Variants in CELF4 observed in about 807,000 individuals in gnomAD.
CELF4 encodes the protein CUGBP Elav-like family member 4.
A neutral mutation model predicts 59.9 loss-of-function variants in CELF4; 18 were observed. That is an observed-to-expected ratio of 0.30 (90% CI 0.21 to 0.45). CELF4 has a LOEUF of 0.45. Among genes scored for constraint, CELF4 ranks in the 20% least tolerant of loss-of-function variants. CELF4 has a pLI of 1.00. For missense variants in CELF4, 456 were observed against 689.0 expected, an observed-to-expected ratio of 0.66 and a Z score of 3.79; for synonymous variants, 261 against 267.1, an observed-to-expected ratio of 0.98 and a Z score of 0.22.
At chr18:37,351,372 C>T (rs1317723711) in intron 2 of CELF4, among the ~76,000 whole-genome samples, 3 of 152,066 alleles carry the variant, frequency 2.0e-5, no homozygotes, top group Admixed American at 1.3e-4. Context: ...AACGATGCCT[C>T]TCCCCTCTCC....
chr18:37,531,785 GGGGAC>G (rs1329880071), intron 1 of CELF4, among the ~76,000 whole-genome samples: 1 of 152,140 alleles, frequency 6.6e-6, no homozygotes, highest in Non-Finnish European at 1.5e-5. Flanking sequence ...CTGAGCATGA[GGGGAC>G]CAGACCTCTA....
intron 2 of CELF4, among the ~76,000 whole-genome samples, chr18:37,348,802 C>T (rs926350459): frequency 1.3e-5 from 2 of 152,184 alleles, no homozygotes; most frequent in African/African-American, 4.8e-5. Context: ...ATCACACACT[C>T]CCCAAGGCAA....
chr18:37,388,471 C>T (rs963661280), intron 2 of CELF4, among the ~76,000 whole-genome samples: 2 of 151,560 alleles, frequency 1.3e-5, no homozygotes, highest in African/African-American at 4.9e-5. Context: ...CTCCTCCAGT[C>T]TCTCCCATCC....
At chr18:37,293,471 T>C (rs1344075395) in intron 3 of CELF4, among the ~76,000 whole-genome samples, 1 of 152,244 alleles carries the variant, frequency 6.6e-6, no homozygotes, top group Non-Finnish European at 1.5e-5. Context: ...GCCAATCATA[T>C]TGGATTTAGG....
chr18:37,328,896 T>C (rs2097430371), intron 2 of CELF4, among the ~76,000 whole-genome samples: 1 of 152,198 alleles, frequency 6.6e-6, no homozygotes, highest in African/African-American at 2.4e-5. Context: ...GACCCCTTGT[T>C]CCAAGCGCCA....
chr18:37,481,817 C>T (rs1021693844), intron 2 of CELF4, among the ~76,000 whole-genome samples: 2 of 152,364 alleles, frequency 1.3e-5, no homozygotes, highest in East Asian at 3.9e-4. Context: ...GTGGCACTGG[C>T]AGAGGCAGGT....
At chr18:37,273,444 C>A in intron 6 of CELF4, 3 of 1,162,852 alleles carry the variant, frequency 2.6e-6, no homozygotes, top group Admixed American at 4.2e-5. Flanking sequence ...TCTGTGGGTG[C>A]TAGTCAGCCC....
chr18:37,264,856 G>T, intron 9 of CELF4, 99 bp from the exon 10 acceptor site: 1 of 961,680 alleles, frequency 1.0e-6, no homozygotes, highest in Admixed American at 2.1e-5. Flanking sequence ...AAGCAGATCA[G>T]CCAAAAAGCG....
chr18:37,447,017 A>G (rs547526075), intron 2 of CELF4, among the ~76,000 whole-genome samples: 3 of 152,292 alleles, frequency 2.0e-5, no homozygotes, highest in East Asian at 3.9e-4. Flanking sequence ...TTCCTTGACT[A>G]TCCAGCAGTG....
At chr18:37,247,106 A>G (rs2062544150) in intron 12 of CELF4, 1 of 152,192 alleles carries the variant, frequency 6.6e-6, no homozygotes, top group Non-Finnish European at 1.5e-5. Context: ...CTTGACGGCA[A>G]TTGTCATGCA....
intron 3 of CELF4, among the ~76,000 whole-genome samples, chr18:37,302,188 G>A (rs768478978): frequency 4.6e-5 from 7 of 152,108 alleles, no homozygotes; most frequent in Non-Finnish European, 8.8e-5. Context: ...CCCCTTCCTG[G>A]CACAGGTGGA....
At chr18:37,424,316 C>A (rs776688503) in intron 2 of CELF4, among the ~76,000 whole-genome samples, 1 of 151,984 alleles carries the variant, frequency 6.6e-6, no homozygotes, top group Non-Finnish European at 1.5e-5. Flanking sequence ...TGGGCTGTCA[C>A]GGGAGGCTGG....
intron 1 of CELF4, among the ~76,000 whole-genome samples, chr18:37,560,372 T>C (rs1475221659): frequency 6.6e-6 from 1 of 152,242 alleles, no homozygotes; most frequent in Non-Finnish European, 1.5e-5. Context: ...GCAAATCATT[T>C]CCCAATATTT....
intron 2 of CELF4, among the ~76,000 whole-genome samples, chr18:37,324,568 T>C (rs2097234872): frequency 6.6e-6 from 1 of 152,220 alleles, no homozygotes. Context: ...GGTACTTTGC[T>C]ATGACAGCTC....
chr18:37,311,491 T>C (rs2096645189), intron 3 of CELF4, among the ~76,000 whole-genome samples: 1 of 152,200 alleles, frequency 6.6e-6, no homozygotes, highest in South Asian at 2.1e-4. Flanking sequence ...AAGATTCTCT[T>C]AAATTTTAAG....
intron 3 of CELF4, among the ~76,000 whole-genome samples, chr18:37,283,210 C>A (rs2094356841): frequency 6.6e-6 from 1 of 151,856 alleles, no homozygotes; most frequent in South Asian, 2.1e-4. Flanking sequence ...GCCATCCCTC[C>A]TCCTTCTACC....
At chr18:37,271,254 CTTTTTTTTTTT>C (rs34833771) in intron 7 of CELF4, among the ~76,000 whole-genome samples, 2 of 105,536 alleles carry the variant, frequency 1.9e-5, no homozygotes, top group African/African-American at 3.9e-5. Context: ...TCCTTCAGTC[CTTTTTTTTTTT>C]TTTTTTTTTT....
At chr18:37,264,298 C>T (rs1238058538) in intron 10 of CELF4, among the ~76,000 whole-genome samples, 6 of 152,214 alleles carry the variant, frequency 3.9e-5, no homozygotes, top group East Asian at 1.9e-4. Flanking sequence ...AAACACAAAC[C>T]CAACCATTCA....
At chr18:37,260,400 T>A (rs1453853858) in intron 10 of CELF4, among the ~76,000 whole-genome samples, 1 of 152,246 alleles carries the variant, frequency 6.6e-6, no homozygotes, top group Admixed American at 6.5e-5. Context: ...ATTTCATCTT[T>A]TAAAGTGACT....
Sources: gnomAD v4.1 joint callset for allele counts (sites outside exome capture counted in the v4.1 genomes callset) on GRCh38, gnomAD v4.1.1 for gene constraint, MANE v1.5 for transcripts, NCBI Gene and HGNC (gene_info 2026-07-23, HGNC 2026-07-21) for gene names.